Variants in PARL observed in about 807,000 individuals in gnomAD.
PARL encodes the protein presenilin-associated rhomboid-like protein, mitochondrial.
A neutral mutation model predicts 51.6 loss-of-function variants in PARL; 44 were observed. The ratio of observed to expected loss-of-function variants is 0.85; its 90% CI spans 0.67 to 1.10. The LOEUF (loss-of-function observed/expected upper bound fraction) is 1.10. Ranked by LOEUF, PARL falls within the 50% of genes least tolerant of loss-of-function variation. PARL has a pLI of 0.00. For missense variants in PARL, 441 were observed against 469.5 expected, an observed-to-expected ratio of 0.94 and a Z score of 0.56; for synonymous variants, 172 against 164.0, an observed-to-expected ratio of 1.05 and a Z score of -0.37.
intron 1 of PARL, among the ~76,000 whole-genome samples, chr3:183,875,945 G>C (rs1458518275): frequency 2.0e-5 from 3 of 152,180 alleles, no homozygotes; most frequent in Admixed American, 6.5e-5. Context: ...GAACCCTTAA[G>C]AATGATGGTA....
chr3:183,838,444 T>C (rs1019796700), intron 7 of PARL, among the ~76,000 whole-genome samples: 1 of 152,250 alleles, frequency 6.6e-6, no homozygotes, highest in African/African-American at 2.4e-5. Context: ...AATGCCATTA[T>C]ACCTGGTGAT....
At chr3:183,879,551 C>T (rs1734200821) in intron 1 of PARL, 2 of 163,592 alleles carry the variant, frequency 1.2e-5, no homozygotes, top group Admixed American at 6.5e-5. Context: ...GAAGCCAGTC[C>T]TACCTCTACA....
At chr3:183,872,658 G>A (rs1018484626) in intron 1 of PARL, among the ~76,000 whole-genome samples, 1 of 152,070 alleles carries the variant, frequency 6.6e-6, no homozygotes, top group Non-Finnish European at 1.5e-5. Context: ...TCTGTAATAG[G>A]AAATATCTTC....
intron 1 of PARL, among the ~76,000 whole-genome samples, chr3:183,882,223 A>ATATATATATATATATATATATATT (rs1734547547): frequency 5.7e-5 from 2 of 35,378 alleles, no homozygotes; most frequent in South Asian, 1.0e-3. Flanking sequence ...AAAAAAAAAA[A>ATATATATATATATATATATATATT]TATATATATA....
chr3:183,840,693 C>CT (rs1463253185), intron 6 of PARL, 53 bp from the exon 7 acceptor site: 6,357 of 711,104 alleles, frequency 8.9e-3, no homozygotes, highest in Non-Finnish European at 0.01. Context: ...AAATGGTTTA[C>CT]TTTTTTTTTT....
At chr3:183,827,682 T>C (rs2108568777), downstream of PARL, among the ~76,000 whole-genome samples, 1 of 152,114 alleles carries the variant, frequency 6.6e-6, no homozygotes, top group Middle Eastern at 3.4e-3. Flanking sequence ...TGGCTCCGGG[T>C]TTCAGACTTC....
chr3:183,850,014 A>G (rs1024004459), intron 4 of PARL, among the ~76,000 whole-genome samples: 2 of 152,224 alleles, frequency 1.3e-5, no homozygotes, highest in African/African-American at 4.8e-5. Context: ...ACAGACCAAG[A>G]GTAAGTAAAG....
At chr3:183,829,212 G>C (rs190781580), downstream of PARL, 5 of 287,770 alleles carry the variant, frequency 1.7e-5, no homozygotes, top group African/African-American at 8.6e-5. Flanking sequence ...GGGAGGGGGA[G>C]GCAAGGAAGA....
chr3:183,834,044 T>C (rs1728266977), intron 7 of PARL, among the ~76,000 whole-genome samples: 1 of 152,222 alleles, frequency 6.6e-6, no homozygotes, highest in Non-Finnish European at 1.5e-5. Context: ...GAATTTTTAC[T>C]ACGGGGCAGT....
chr3:183,864,505 G>A (rs894662621), intron 3 of PARL, among the ~76,000 whole-genome samples: 2 of 152,032 alleles, frequency 1.3e-5, no homozygotes, highest in Non-Finnish European at 2.9e-5. Context: ...GGCTGGGCTC[G>A]GTGGCTCATG....
chr3:183,833,419 AG>A (rs1560368694), intron 9 of PARL, 72 bp downstream of exon 9: 1 of 881,680 alleles, frequency 1.1e-6, no homozygotes, highest in Non-Finnish European at 1.9e-6. Flanking sequence ...GATGGGGGGT[AG>A]GGGTGAGGCT....
intron 1 of PARL, 30 bp downstream of exon 1, chr3:183,884,692 G>A (rs772865113): frequency 1.9e-6 from 3 of 1,578,016 alleles, no homozygotes; most frequent in East Asian, 2.3e-5. Flanking sequence ...GGACCAAGAG[G>A]CGAGAAGACC....
intron 4 of PARL, among the ~76,000 whole-genome samples, chr3:183,851,414 G>A (rs1331909261): frequency 6.6e-6 from 1 of 152,200 alleles, no homozygotes; most frequent in African/African-American, 2.4e-5. Context: ...CTTAATAAGG[G>A]TCTAGTATCC....
chr3:183,826,630 CAA>C (rs912808109), downstream of PARL: 1 of 985,390 alleles, frequency 1.0e-6, no homozygotes, highest in African/African-American at 1.7e-5. Context: ...GAAGTTGTAG[CAA>C]AGTGACATGA....
chr3:183,860,279 G>A (rs1025782770), intron 4 of PARL, among the ~76,000 whole-genome samples: 2 of 152,300 alleles, frequency 1.3e-5, no homozygotes, highest in African/African-American at 4.8e-5. Context: ...GTTTATTCTT[G>A]AGACTCTCAT....
intron 4 of PARL, among the ~76,000 whole-genome samples, chr3:183,846,257 G>A (rs768445865): frequency 6.6e-6 from 1 of 152,168 alleles, no homozygotes; most frequent in Non-Finnish European, 1.5e-5. Context: ...ACTTTGGGAG[G>A]CTGAGGCGGA....
chr3:183,844,137 G>A, intron 5 of PARL, 94 bp downstream of exon 5: 1 of 876,582 alleles, frequency 1.1e-6, no homozygotes, highest in Non-Finnish European at 2.0e-6. Context: ...CTATTGATAG[G>A]TAATTCGTCT....
At chr3:183,836,653 A>G (rs1402656988) in intron 7 of PARL, among the ~76,000 whole-genome samples, 2 of 152,198 alleles carry the variant, frequency 1.3e-5, no homozygotes, top group Non-Finnish European at 2.9e-5. Flanking sequence ...GTCCATGGGA[A>G]GAGGTGAAGG....
intron 9 of PARL, among the ~76,000 whole-genome samples, chr3:183,832,000 T>C (rs12636861): frequency 0.14 from 21,878 of 152,104 alleles, 1,863 homozygotes; most frequent in East Asian, 0.26. Flanking sequence ...CCTTGAAGTA[T>C]ACATGGAAGA....
Sources: gnomAD v4.1 joint callset for allele counts (sites outside exome capture counted in the v4.1 genomes callset) on GRCh38, gnomAD v4.1.1 for gene constraint, MANE v1.5 for transcripts, NCBI Gene and HGNC (gene_info 2026-07-23, HGNC 2026-07-21) for gene names.